TAOK1: variants seen among roughly 807,000 people sequenced by gnomAD.
TAOK1 encodes TAO kinase 1, also known as serine/threonine-protein kinase TAO1.
A neutral mutation model predicts 138.3 loss-of-function variants in TAOK1; 21 were observed. The observed-to-expected ratio is 0.15, with a 90% CI of 0.11 to 0.22. The LOEUF is 0.22. Ranked by LOEUF, TAOK1 falls within the 10% of genes least tolerant of loss-of-function variation. The probability of loss-of-function intolerance (pLI) is 1.00; values close to 1 mark genes in which losing one functional copy is unlikely to be tolerated. For synonymous variants in TAOK1, 361 were observed against 398.4 expected (o/e 0.91, Z 1.12); for missense variants, 651 against 1,227.7 (o/e 0.53, Z 7.02).
chr17:29,526,542 AGTAGC>A (rs1301122659), intron 17 of TAOK1, among the ~76,000 whole-genome samples: 2 of 151,954 alleles, frequency 1.3e-5, no homozygotes, highest in African/African-American at 4.8e-5. Flanking sequence ...CAGCCTCCTG[AGTAGC>A]TGTGATTACA....
At chr17:29,433,824 C>CT (rs1363973774) in intron 1 of TAOK1, among the ~76,000 whole-genome samples, 1 of 152,102 alleles carries the variant, frequency 6.6e-6, no homozygotes, top group African/African-American at 2.4e-5. Flanking sequence ...CATTTCCCCT[C>CT]TAATCTAGCA....
intron 1 of TAOK1, among the ~76,000 whole-genome samples, chr17:29,425,874 G>A (rs992671652): frequency 5.3e-5 from 8 of 151,644 alleles, no homozygotes; most frequent in Admixed American, 1.3e-4. Flanking sequence ...GGTTTTTTTT[G>A]TTTGTTTTGT....
At chr17:29,476,324 C>CGTACT (rs2030940143) in intron 4 of TAOK1, among the ~76,000 whole-genome samples, 1 of 152,124 alleles carries the variant, frequency 6.6e-6, no homozygotes, top group Non-Finnish European at 1.5e-5. Context: ...TTTTAGTATA[C>CGTACT]GTACTGTAGA....
chr17:29,516,953 G>C (rs538752760), intron 15 of TAOK1, among the ~76,000 whole-genome samples: 1 of 152,012 alleles, frequency 6.6e-6, no homozygotes, highest in Non-Finnish European at 1.5e-5. Flanking sequence ...CTGCTGAGTA[G>C]CTGGGAGTAC....
rs75917134 is a variant in TAOK1, at chr17:29,519,967, C to T, written c.1908+2311C>T. Among the ~76,000 whole-genome samples the T allele has an allele frequency of 5.3e-3, 801 of 151,940 alleles. 6 individuals are homozygous for T. The highest frequency in any genetic ancestry group is 0.018 in the African/African-American group (757 of 41,458). ...GGCTCTCACCTGTAATCCTTGAGGT[C>T]AAGAGTTCGAGGACAGCCTGGTCAA... On this transcript the variant is annotated intron_variant, in intron 16 of 19. Coordinates refer to ENST00000261716, the MANE Select transcript of TAOK1 (RefSeq NM_020791.4).
chr17:29,437,216 A>G (rs1906060954), intron 1 of TAOK1, among the ~76,000 whole-genome samples: 1 of 152,038 alleles, frequency 6.6e-6, no homozygotes, highest in African/African-American at 2.4e-5. Context: ...GGTGCCTGCC[A>G]CCACGCCCGG....
chr17:29,528,779 G>T (rs781568105), intron 17 of TAOK1, among the ~76,000 whole-genome samples: 9 of 139,360 alleles, frequency 6.5e-5, no homozygotes, highest in Non-Finnish European at 1.4e-4. Context: ...GATGGAGGCT[G>T]CAGTGAGCTG....
chr17:29,493,470 G>A (rs930482323), intron 10 of TAOK1, among the ~76,000 whole-genome samples: 1 of 151,620 alleles, frequency 6.6e-6, no homozygotes, highest in Non-Finnish European at 1.5e-5. Context: ...CTCCAGCCTG[G>A]GCAATAAGAG....
intron 9 of TAOK1, 80 bp from the exon 10 acceptor site, chr17:29,491,704 A>G: frequency 1.0e-6 from 1 of 972,248 alleles, no homozygotes; most frequent in South Asian, 1.3e-5. Flanking sequence ...CCCTCCCACC[A>G]ATAGGCACGT....
At chr17:29,472,079 C>T (rs1220598084) in intron 3 of TAOK1, among the ~76,000 whole-genome samples, 7 of 152,092 alleles carry the variant, frequency 4.6e-5, no homozygotes, top group Non-Finnish European at 8.8e-5. Flanking sequence ...CCAAAGTCAT[C>T]CATGAGGGTT....
chr17:29,498,614 A>G, intron 12 of TAOK1, 93 bp downstream of exon 12: 2 of 1,421,762 alleles, frequency 1.4e-6, no homozygotes, highest in East Asian at 2.4e-5. Flanking sequence ...AAGATAAGGA[A>G]GTTTCCCGAA....
intron 1 of TAOK1, among the ~76,000 whole-genome samples, chr17:29,413,605 AAAC>A (rs1170853553): frequency 6.6e-5 from 10 of 152,242 alleles, no homozygotes; most frequent in East Asian, 1.9e-4. Context: ...CAAAAAACAA[AAAC>A]AACAACAAAA....
rs1361900164 is a variant in TAOK1 at position 29,549,646 on chromosome 17, G to GA, written c.*6624_*6625insA. On this transcript the variant is annotated 3_prime_UTR_variant, in exon 20 of 20. Coordinates refer to ENST00000261716, the MANE Select transcript of TAOK1 (RefSeq NM_020791.4). ...TAACTGCCCAACATTTGCAGATTCT[G>GA]GGTGGTCTATGTGACCATTTGTCTC... The GA allele has an allele frequency of 6.6e-6, 1 of 152,136 alleles. No homozygotes were observed. Among genetic ancestry groups the GA allele is most frequent in the African/African-American group, 2.4e-5 (1 of 41,434 alleles). 9.4% of individuals were successfully genotyped at this position (152,136 alleles called of 1,614,324 possible). A position where few individuals can be genotyped will look rare whatever the true frequency, so the allele number is the denominator to read the frequency against.
chr17:29,438,152 A>C (rs1274069552), intron 1 of TAOK1, among the ~76,000 whole-genome samples: 1 of 152,178 alleles, frequency 6.6e-6, no homozygotes, highest in Admixed American at 6.5e-5. Context: ...TATAAGCCCA[A>C]ATTTAAACAT....
At chr17:29,397,672 T>TAAACATGTATATTCATGTATG (rs1555555355) in intron 1 of TAOK1, among the ~76,000 whole-genome samples, 1 of 59,614 alleles carries the variant, frequency 1.7e-5, no homozygotes, top group East Asian at 1.9e-3. Flanking sequence ...ATGATACATG[T>TAAACATGTATATTCATGTATG]ATACATGTAT....
rs1598533079 is a variant in TAOK1, at chr17:29,542,663, A to T, written c.2647A>T (p.Met883Leu). 2 of 1,614,164 alleles carry T rather than the reference A, an allele frequency of 1.2e-6. No individual in the cohort carries two copies. The highest frequency in any genetic ancestry group is 1.3e-5 in the African/African-American group (1 of 74,952). Residue 883 changes from methionine (M) to leucine (L), a missense_variant, in exon 20 of 20, where the codon ATG (methionine) becomes TTG (leucine). By Grantham distance (15) the Met-to-Leu change is conservative (BLOSUM62 2). Around this residue, in one of 8 missense-constraint regions of TAOK1, gnomAD observed 258 missense variants for 548.9 expected, o/e 0.47. Coordinates refer to ENST00000261716, the MANE Select transcript of TAOK1 (RefSeq NM_020791.4). Reference protein sequence around the residue: ...REIEAFDSESMRLGFSNMVLS... With the variant: ...REIEAFDSESLRLGFSNMVLS... Reference sequence around the variant, plus strand: ...GATTGAAGCTTTTGACTCTGAAAGCATGAGACTAGGTTTTAGTAATATGGT... The same window carrying T: ...GATTGAAGCTTTTGACTCTGAAAGCTTGAGACTAGGTTTTAGTAATATGGT...
Position 29,431,726 on chromosome 17 carries a change from G to C in TAOK1, c.-94-19729G>C, listed in dbSNP as rs1405193206. On this transcript the variant is annotated intron_variant, in intron 1 of 19. Transcript: ENST00000261716. ...GCGATCTCAGCTCACTGCAACCTCC[G>C]CCTCCTTGGTTCAAGCAATTCTGCC... Among the ~76,000 whole-genome samples, 5 of 151,386 alleles carry C rather than the reference G, an allele frequency of 3.3e-5. No homozygotes were observed. In the East Asian group the frequency reaches 9.7e-4, roughly 29 times the overall value.
intron 4 of TAOK1, among the ~76,000 whole-genome samples, chr17:29,477,426 G>A (rs1416322805): frequency 6.6e-6 from 1 of 151,504 alleles, no homozygotes; most frequent in East Asian, 1.9e-4. Flanking sequence ...ATGTATCATT[G>A]GCTTGACTTT....
rs2032187384 is a variant in TAOK1, at chr17:29,534,406, C to T, written c.2544+106C>T. ...CAGAGGTCACATTAGATTTCTTTCA[C>T]AATACCACATTTCCTGAATTCTAGT... On this transcript the variant is annotated intron_variant, in intron 19 of 19. Coordinates refer to ENST00000261716, the MANE Select transcript of TAOK1 (RefSeq NM_020791.4). 6 of 1,044,984 alleles carry T rather than the reference C, an allele frequency of 5.7e-6. No homozygotes were observed. In the South Asian group the frequency reaches 1.3e-4, roughly 23 times the overall value. The allele number at this position is 1,044,984 out of a possible 1,614,324, so 64.7% of individuals were successfully genotyped here. A position where few individuals can be genotyped will look rare whatever the true frequency, so the allele number is the denominator to read the frequency against.
Sources: gnomAD v4.1 joint callset for allele counts (sites outside exome capture counted in the v4.1 genomes callset) on GRCh38, gnomAD v4.1.1 for gene constraint, gnomAD v4.1.1 regional missense constraint, MANE v1.5 for transcripts, NCBI Gene and HGNC (gene_info 2026-07-23, HGNC 2026-07-21) for gene names.